The following NTRK2 variants were observed in gnomAD, a reference collection of about 807,000 sequenced individuals.
NTRK2 encodes the protein neurotrophic receptor tyrosine kinase 2.
In NTRK2, 13 loss-of-function variants were observed where a neutral mutation model predicts 94.5. The ratio of observed to expected loss-of-function variants is 0.14; its 90% CI spans 0.09 to 0.22. The LOEUF is 0.22. NTRK2 is among the 10% of genes least tolerant of loss of function. The pLI, the probability that NTRK2 is intolerant of heterozygous loss-of-function variation, is 1.00. For synonymous variants in NTRK2, 372 were observed against 407.4 expected (o/e 0.91, Z 1.05); for missense variants, 639 against 1,071.2 (o/e 0.60, Z 5.63).
intron 12 of NTRK2, among the ~76,000 whole-genome samples, chr9:84,846,093 C>T (rs1185546620): frequency 1.3e-5 from 2 of 152,156 alleles, no homozygotes; most frequent in Non-Finnish European, 2.9e-5. Context: ...ATACAAGCCT[C>T]CATTTCATTG....
chr9:84,972,635 G>A (rs149926044), intron 17 of NTRK2, among the ~76,000 whole-genome samples: 1,631 of 152,194 alleles, frequency 0.011, 13 homozygotes, highest in Admixed American at 0.017. Context: ...TGTGTTTTTG[G>A]GGTTTAGCTT....
intron 17 of NTRK2, among the ~76,000 whole-genome samples, chr9:84,997,297 G>A (rs1400564512): frequency 1.3e-5 from 2 of 152,168 alleles, no homozygotes; most frequent in African/African-American, 4.8e-5. Context: ...CTCCATTCCA[G>A]GATGGGGGTC....
intron 12 of NTRK2, chr9:84,814,105 TTTCATTTCTGAC>T: frequency 1.9e-6 from 2 of 1,065,298 alleles, no homozygotes; most frequent in Non-Finnish European, 2.3e-6. Flanking sequence ...CAGGGACTGA[TTTCATTTCTGAC>T]CCACTAGGTT....
intron 15 of NTRK2, among the ~76,000 whole-genome samples, chr9:84,935,901 T>C (rs2078199015): frequency 6.6e-6 from 1 of 152,210 alleles, no homozygotes; most frequent in Non-Finnish European, 1.5e-5. Flanking sequence ...GGTAGCTCTA[T>C]TTTTGTAAAT....
chr9:84,898,876 A>G (rs1263968660), intron 14 of NTRK2, among the ~76,000 whole-genome samples: 1 of 151,948 alleles, frequency 6.6e-6, no homozygotes, highest in Admixed American at 6.6e-5. Context: ...CTAGTTTTGT[A>G]TTTTTAGTAG....
At chr9:84,768,055 A>T (rs899176439) in intron 12 of NTRK2, among the ~76,000 whole-genome samples, 1 of 152,316 alleles carries the variant, frequency 6.6e-6, no homozygotes, top group South Asian at 2.1e-4. Context: ...AATCCCATTC[A>T]TTGGCATGGG....
chr9:84,943,355 T>G (rs1026650745), intron 15 of NTRK2, among the ~76,000 whole-genome samples: 2 of 152,252 alleles, frequency 1.3e-5, no homozygotes, highest in African/African-American at 4.8e-5. Flanking sequence ...ATTTTTCTTT[T>G]GTTTTTGCTC....
At chr9:84,818,822 A>G (rs1419235575) in intron 12 of NTRK2, among the ~76,000 whole-genome samples, 1 of 152,186 alleles carries the variant, frequency 6.6e-6, no homozygotes, top group East Asian at 1.9e-4. Context: ...ACGTCCTGCC[A>G]TCTCCATGAA....
intron 14 of NTRK2, among the ~76,000 whole-genome samples, chr9:84,868,857 T>C (rs1256454918): frequency 6.6e-6 from 1 of 152,122 alleles, no homozygotes; most frequent in Non-Finnish European, 1.5e-5. Flanking sequence ...TACTTTGACA[T>C]TGACACCTCA....
At chr9:84,695,584 A>G (rs910200503) in intron 2 of NTRK2, among the ~76,000 whole-genome samples, 2 of 152,218 alleles carry the variant, frequency 1.3e-5, no homozygotes, top group African/African-American at 4.8e-5. Flanking sequence ...TGAATGTCAA[A>G]TTGAGACTGG....
At chr9:84,943,077 T>G (rs1006362565) in intron 15 of NTRK2, among the ~76,000 whole-genome samples, 7 of 152,258 alleles carry the variant, frequency 4.6e-5, no homozygotes, top group African/African-American at 1.7e-4. Context: ...TAATCTCTTC[T>G]ATATTTTGTC....
At chr9:84,768,711 T>C (rs1447427042) in intron 12 of NTRK2, among the ~76,000 whole-genome samples, 1 of 152,106 alleles carries the variant, frequency 6.6e-6, no homozygotes, top group Non-Finnish European at 1.5e-5. Context: ...CTCAGGACTA[T>C]TGCAATATGG....
rs911727422 is a variant in NTRK2, at chr9:84,876,445, G to C, written c.1633+9014G>C. ...ACTCCCCTTCCCTGCAACACCCAAA[G>C]AGTTTACTTTTGCAAGTCATTTGGT... On this transcript the variant is annotated intron_variant, in intron 14 of 18. Transcript: ENST00000277120. 1.2e-5 allele frequency: 13 copies of C among 1,055,192 alleles called. No individual in the cohort carries two copies. The African/African-American group carries it at 2.0e-4, about 16-fold the overall frequency. 65.4% of individuals were successfully genotyped at this position (1,055,192 alleles called of 1,614,324 possible).
At chr9:84,821,464 T>TC (rs987729147) in intron 12 of NTRK2, among the ~76,000 whole-genome samples, 10 of 152,212 alleles carry the variant, frequency 6.6e-5, no homozygotes, top group African/African-American at 1.9e-4. Flanking sequence ...GCTGTAACAC[T>TC]CCCAGCTCTT....
intron 17 of NTRK2, among the ~76,000 whole-genome samples, chr9:84,964,156 A>C (rs2133073749): frequency 6.6e-6 from 1 of 152,164 alleles, no homozygotes; most frequent in East Asian, 1.9e-4. Flanking sequence ...TGTGAATTTC[A>C]CCTTGTTGGA....
intron 8 of NTRK2, among the ~76,000 whole-genome samples, chr9:84,724,699 C>A (rs2062322286): frequency 6.6e-6 from 1 of 152,134 alleles, no homozygotes; most frequent in Non-Finnish European, 1.5e-5. Context: ...CTAAAACTTT[C>A]TTCCTCTATA....
At chr9:84,942,093 G>A (rs1262454600) in intron 15 of NTRK2, among the ~76,000 whole-genome samples, 1 of 151,712 alleles carries the variant, frequency 6.6e-6, no homozygotes, top group East Asian at 1.9e-4. Flanking sequence ...TATACATAGA[G>A]TATTGTTTTC....
chr9:84,881,516 G>A (rs985414877), intron 14 of NTRK2, among the ~76,000 whole-genome samples: 8 of 152,116 alleles, frequency 5.3e-5, no homozygotes, highest in African/African-American at 1.2e-4. Flanking sequence ...TGGCATCTCC[G>A]GCTCCTAGAA....
chr9:84,708,961 A>G (rs1210532099), intron 5 of NTRK2, among the ~76,000 whole-genome samples: 1 of 152,244 alleles, frequency 6.6e-6, no homozygotes, highest in African/African-American at 2.4e-5. Context: ...TTTGGGCAAC[A>G]TTGTGTAAAA....
Sources: gnomAD v4.1 joint callset for allele counts (sites outside exome capture counted in the v4.1 genomes callset) on GRCh38, gnomAD v4.1.1 for gene constraint, MANE v1.5 for transcripts, NCBI Gene and HGNC (gene_info 2026-07-23, HGNC 2026-07-21) for gene names.